Variants in CNTN3 observed in about 807,000 individuals in gnomAD.
The protein encoded by CNTN3 is contactin 3.
A neutral mutation model predicts 119.1 loss-of-function variants in CNTN3; 60 were observed. The ratio of observed to expected loss-of-function variants is 0.50; its 90% confidence interval spans 0.41 to 0.62. CNTN3 has a LOEUF of 0.62. CNTN3 is among the 20% of genes least tolerant of loss of function. The pLI, the probability that CNTN3 is intolerant of heterozygous loss-of-function variation, is 0.00. For missense variants in CNTN3, 1,101 were observed against 1,242.4 expected (o/e 0.89, Z 1.71); for synonymous variants, 450 against 438.7 (o/e 1.03, Z -0.32).
chr3:74,369,795 A>G (rs1704291948), intron 7 of CNTN3, 94 bp downstream of exon 7: 4 of 662,728 alleles, frequency 6.0e-6, no homozygotes. Context: ...AGTAAATTTT[A>G]GAAAATAAAA....
chr3:74,317,414 T>C (rs555261103), intron 13 of CNTN3, among the ~76,000 whole-genome samples: 5 of 152,208 alleles, frequency 3.3e-5, no homozygotes, highest in African/African-American at 9.7e-5. Flanking sequence ...CGTTAGTTGA[T>C]GCAGTTTCTT....
chr3:74,579,883 T>C (rs538541599), intron 1 of CNTN3, among the ~76,000 whole-genome samples: 2 of 152,186 alleles, frequency 1.3e-5, no homozygotes, highest in Non-Finnish European at 2.9e-5. Context: ...TTAAAATATA[T>C]GTAACAAACA....
intron 1 of CNTN3, among the ~76,000 whole-genome samples, chr3:74,563,114 C>T (rs1012021717): frequency 2.6e-5 from 4 of 152,188 alleles, no homozygotes; most frequent in Admixed American, 2.6e-4. Flanking sequence ...AGCATTCCCA[C>T]CACAGCTGCT....
chr3:74,579,029 T>C (rs1704460794), intron 1 of CNTN3, among the ~76,000 whole-genome samples: 1 of 151,738 alleles, frequency 6.6e-6, no homozygotes, highest in Admixed American at 6.6e-5. Flanking sequence ...ACTTTAAATA[T>C]GGGTGACAGA....
In CNTN3 at chr3:74,350,736, A is replaced by C. The variant is rs145548427; in HGVS notation, c.1364+11154T>G. The stretch of plus-strand genomic sequence containing the variant: ...ACATATACAGCATGGAATACTATAC[A>C]GCCATAAAACAGAATGAAATCATGT... On this transcript the variant is annotated intron_variant, in intron 11 of 22. Coordinates refer to ENST00000263665, the MANE Select transcript of CNTN3 (RefSeq NM_020872.3). Among the ~76,000 whole-genome samples the C allele has an allele frequency of 1.2e-3, 180 of 152,318 alleles. 5 individuals carry two copies. The East Asian group carries it at 0.032, about 27-fold the overall frequency.
chr3:74,528,431 C>A (rs1703650392), intron 1 of CNTN3, among the ~76,000 whole-genome samples: 1 of 151,710 alleles, frequency 6.6e-6, no homozygotes, highest in South Asian at 2.1e-4. Flanking sequence ...GCACATTTAC[C>A]AACTGGAAAA....
At chr3:74,318,745 G>A (rs1702901523) in intron 13 of CNTN3, among the ~76,000 whole-genome samples, 1 of 152,156 alleles carries the variant, frequency 6.6e-6, no homozygotes, top group African/African-American at 2.4e-5. Flanking sequence ...ACCTGGCCAT[G>A]TGAGGTGTCA....
intron 5 of CNTN3, among the ~76,000 whole-genome samples, chr3:74,387,036 C>T (rs1043236450): frequency 6.6e-6 from 1 of 152,086 alleles, no homozygotes; most frequent in African/African-American, 2.4e-5. Context: ...AAGATACTGG[C>T]AGTGGAAAGC....
At chr3:74,598,359 C>T (rs1704848073) in intron 1 of CNTN3, among the ~76,000 whole-genome samples, 1 of 152,082 alleles carries the variant, frequency 6.6e-6, no homozygotes, top group African/African-American at 2.4e-5. Context: ...TTGGATTCTC[C>T]AGCCCAAGTC....
At chr3:74,611,116 C>A (rs56294103) in intron 1 of CNTN3, among the ~76,000 whole-genome samples, 92 of 152,258 alleles carry the variant, frequency 6.0e-4, no homozygotes, top group African/African-American at 2.0e-3. Context: ...TATGGAATCA[C>A]TACAACATAG....
At chr3:74,602,621 G>A (rs974202038) in intron 1 of CNTN3, among the ~76,000 whole-genome samples, 1 of 151,896 alleles carries the variant, frequency 6.6e-6, no homozygotes, top group Non-Finnish European at 1.5e-5. Context: ...AGAACTTTTG[G>A]GGCATAGTTC....
At chr3:74,607,339 A>T (rs1705009978) in intron 1 of CNTN3, among the ~76,000 whole-genome samples, 1 of 152,180 alleles carries the variant, frequency 6.6e-6, no homozygotes, top group African/African-American at 2.4e-5. Context: ...CACTAGCTAT[A>T]TTGTTCGGGT....
At chr3:74,562,680 T>C (rs1384908840) in intron 1 of CNTN3, among the ~76,000 whole-genome samples, 3 of 152,152 alleles carry the variant, frequency 2.0e-5, no homozygotes, top group Non-Finnish European at 2.9e-5. Context: ...GCTTCCACAC[T>C]GAACTCATCT....
At chr3:74,469,180 G>T (rs1275117542) in intron 4 of CNTN3, among the ~76,000 whole-genome samples, 1 of 152,070 alleles carries the variant, frequency 6.6e-6, no homozygotes, top group African/African-American at 2.4e-5. Context: ...AGAAACTGAG[G>T]CCCAGAGAGG....
intron 13 of CNTN3, among the ~76,000 whole-genome samples, chr3:74,314,780 A>C (rs1702788787): frequency 1.3e-5 from 2 of 152,232 alleles, no homozygotes. Flanking sequence ...TGACCTCAAC[A>C]GTACCTTCAA....
intron 1 of CNTN3, among the ~76,000 whole-genome samples, chr3:74,551,928 T>C (rs1703998733): frequency 6.6e-6 from 1 of 151,622 alleles, no homozygotes; most frequent in African/African-American, 2.4e-5. Flanking sequence ...CACACCCCGG[T>C]AATTTTTGTA....
intron 5 of CNTN3, among the ~76,000 whole-genome samples, chr3:74,395,100 G>C (rs1032395253): frequency 6.6e-6 from 1 of 152,062 alleles, no homozygotes; most frequent in Non-Finnish European, 1.5e-5. Context: ...CACATGACTA[G>C]AGTATTTATT....
At position 74,365,557 on chromosome 3, in the gene CNTN3, T is replaced by G. The variant is rs368518187; in HGVS notation, c.1083+9A>C. On this transcript the variant is annotated intron_variant, in intron 9 of 22. Transcript: ENST00000263665. ...CCTCTAAACCCATTTTAGGTCCATG[T>G]TACCTTACCTCTAGCACCAGGGCTG... 1.1e-5 allele frequency: 17 copies of G among 1,613,050 alleles called. No individual in the cohort carries two copies. In the African/African-American group the frequency reaches 1.2e-4, roughly 11 times the overall value.
intron 4 of CNTN3, among the ~76,000 whole-genome samples, chr3:74,432,132 T>C (rs1169273498): frequency 1.3e-5 from 2 of 152,166 alleles, no homozygotes; most frequent in African/African-American, 2.4e-5. Flanking sequence ...ACAGTGTAAA[T>C]GACAAGATTG....
Sources: allele counts gnomAD v4.1 joint callset (sites outside exome capture counted in the v4.1 genomes callset), GRCh38; gene constraint gnomAD v4.1.1; transcripts MANE v1.5; gene names NCBI Gene and HGNC (gene_info 2026-07-23, HGNC 2026-07-21).